Variants in EML5 observed in about 807,000 individuals in gnomAD.
EML5 encodes the protein echinoderm microtubule-associated protein-like 5.
A neutral mutation model predicts 250.0 loss-of-function variants in EML5; 120 were observed. That is an observed-to-expected ratio of 0.48 (90% CI 0.41 to 0.56). EML5 has a LOEUF of 0.56. Ranked by LOEUF, EML5 falls within the 20% of genes least tolerant of loss-of-function variation. The pLI, the probability that EML5 is intolerant of heterozygous loss-of-function variation, is 0.00. For synonymous variants in EML5, 771 were observed against 806.5 expected (o/e 0.96, Z 0.75); for missense variants, 2,006 against 2,437.6 (o/e 0.82, Z 3.73).
At chr14:88,636,856 G>A (rs375850507) in intron 32 of EML5, among the ~76,000 whole-genome samples, 1 of 152,274 alleles carries the variant, frequency 6.6e-6, no homozygotes, top group East Asian at 1.9e-4. Context: ...AAGCTTCCCA[G>A]GGAAACGTTT....
intron 1 of EML5, among the ~76,000 whole-genome samples, chr14:88,791,518 G>T (rs576592736): frequency 5.3e-5 from 8 of 152,212 alleles, no homozygotes; most frequent in African/African-American, 1.2e-4. Context: ...CAAATATACC[G>T]CTCACTAAAG....
chr14:88,665,103 G>C (rs75602272), intron 22 of EML5, among the ~76,000 whole-genome samples: 3,042 of 152,182 alleles, frequency 0.02, 97 homozygotes, highest in African/African-American at 0.066. Context: ...GGAAACAAAA[G>C]CTCAGAGAAG....
intron 21 of EML5, among the ~76,000 whole-genome samples, chr14:88,667,694 T>C (rs150139121): frequency 5.1e-4 from 77 of 152,278 alleles, no homozygotes; most frequent in Middle Eastern, 3.4e-3. Flanking sequence ...CTTCCTCCAG[T>C]GTGCTGTTTT....
chr14:88,756,589 T>G (rs1268718122), intron 1 of EML5, among the ~76,000 whole-genome samples: 1 of 152,016 alleles, frequency 6.6e-6, no homozygotes, highest in African/African-American at 2.4e-5. Context: ...TCCTAAGGAA[T>G]CCACAAAGAA....
chr14:88,618,218 A>C lies in EML5; in HGVS notation c.5642+10T>G. The C allele has an allele frequency of 6.2e-7, 1 of 1,611,410 alleles. No homozygotes were observed. The highest frequency in any genetic ancestry group is 2.2e-5 in the East Asian group (1 of 44,840). On this transcript the variant is annotated intron_variant, in intron 41 of 43. Coordinates refer to ENST00000554922, the MANE Select transcript of EML5 (RefSeq NM_183387.3). Reference sequence around the variant, plus strand: ...GTCAGTTCTTGCCTTGTGAATATATAAGTATTTACCTAGTCCATGTAGCCC... The same window carrying C: ...GTCAGTTCTTGCCTTGTGAATATATCAGTATTTACCTAGTCCATGTAGCCC...
At chr14:88,682,114 C>T (rs933140954) in intron 20 of EML5, 83 bp from the exon 21 acceptor site, 4 of 1,297,090 alleles carry the variant, frequency 3.1e-6, no homozygotes, top group South Asian at 2.5e-5. Context: ...CTAAAGATAC[C>T]ATTCAATAAT....
chr14:88,615,884 TTAA>T, intron 43 of EML5, 30 bp from the exon 44 acceptor site: 1 of 1,599,306 alleles, frequency 6.3e-7, no homozygotes, highest in Non-Finnish European at 8.5e-7. Flanking sequence ...TTGCAGGGAG[TTAA>T]TTATGTTTTT....
At chr14:88,779,326 T>C (rs761745839) in intron 1 of EML5, among the ~76,000 whole-genome samples, 3 of 152,198 alleles carry the variant, frequency 2.0e-5, no homozygotes, top group African/African-American at 4.8e-5. Context: ...CACAGAAATA[T>C]AGATTTACTC....
chr14:88,625,173 AAT>A, intron 35 of EML5, 46 bp from the exon 36 acceptor site: 3 of 1,599,214 alleles, frequency 1.9e-6, no homozygotes, highest in Non-Finnish European at 2.6e-6. Flanking sequence ...CAAAAGTTCA[AAT>A]AGAGTTTAAA....
At chr14:88,675,806 T>A (rs1416521872) in intron 21 of EML5, among the ~76,000 whole-genome samples, 1 of 152,164 alleles carries the variant, frequency 6.6e-6, no homozygotes, top group Non-Finnish European at 1.5e-5. Context: ...ACCTCAAGAA[T>A]AATTTGTTGC....
intron 9 of EML5, among the ~76,000 whole-genome samples, chr14:88,714,584 T>C (rs1325716532): frequency 6.6e-6 from 1 of 152,146 alleles, no homozygotes; most frequent in Non-Finnish European, 1.5e-5. Context: ...AACTGTGAAG[T>C]GGCAGATACA....
chr14:88,728,486 T>C (rs2093701627), intron 7 of EML5, among the ~76,000 whole-genome samples: 1 of 152,194 alleles, frequency 6.6e-6, no homozygotes, highest in Non-Finnish European at 1.5e-5. Flanking sequence ...TAATACTGTA[T>C]ACCTACAATA....
chr14:88,697,403 G>A (rs184745788), intron 14 of EML5, among the ~76,000 whole-genome samples: 50 of 152,312 alleles, frequency 3.3e-4, no homozygotes, highest in African/African-American at 1.2e-3. Flanking sequence ...GGTACTGGAG[G>A]TGGGCCTTCA....
chr14:88,625,226 G>A, intron 35 of EML5, 99 bp from the exon 36 acceptor site: 1 of 1,368,594 alleles, frequency 7.3e-7, no homozygotes, highest in Non-Finnish European at 9.9e-7. Context: ...TCTCACCCTT[G>A]ATACAAAGAG....
At chr14:88,743,865 A>G (rs1365001788) in intron 4 of EML5, among the ~76,000 whole-genome samples, 158 bp downstream of exon 4, 1 of 152,056 alleles carries the variant, frequency 6.6e-6, no homozygotes. Flanking sequence ...AATAATATAT[A>G]TATTTGTTTG....
At chr14:88,701,834 T>C (rs756723036) in intron 14 of EML5, among the ~76,000 whole-genome samples, 2 of 152,202 alleles carry the variant, frequency 1.3e-5, no homozygotes, top group Non-Finnish European at 2.9e-5. Context: ...GAAATAATTT[T>C]ACTCTCACAT....
At chr14:88,790,108 A>G (rs1193804236) in intron 1 of EML5, among the ~76,000 whole-genome samples, 1 of 152,218 alleles carries the variant, frequency 6.6e-6, no homozygotes, top group Non-Finnish European at 1.5e-5. Flanking sequence ...TTAGCTCAAT[A>G]TATTTCACAA....
At chr14:88,784,173 TG>T (rs2094527057) in intron 1 of EML5, among the ~76,000 whole-genome samples, 1 of 152,114 alleles carries the variant, frequency 6.6e-6, no homozygotes, top group Non-Finnish European at 1.5e-5. Flanking sequence ...AGTTTAAAGT[TG>T]TAAGTGCCTA....
At chr14:88,724,569 T>TA (rs36017434) in intron 8 of EML5, among the ~76,000 whole-genome samples, 26,545 of 151,440 alleles carry the variant, frequency 0.18, 2,851 homozygotes, top group East Asian at 0.45. Flanking sequence ...AATGTATAAC[T>TA]AAAAAAAAAT....
Sources: allele counts gnomAD v4.1 joint callset (sites outside exome capture counted in the v4.1 genomes callset), GRCh38; gene constraint gnomAD v4.1.1; transcripts MANE v1.5; gene names NCBI Gene and HGNC (gene_info 2026-07-23, HGNC 2026-07-21).